FTO: variants seen among roughly 807,000 people sequenced by gnomAD.
The protein encoded by FTO is alpha-ketoglutarate-dependent dioxygenase FTO.
Under a neutral mutation model 63.9 loss-of-function variants are expected in FTO, and 47 were observed. The observed-to-expected ratio is 0.74, with a 90% CI of 0.58 to 0.94. The LOEUF (loss-of-function observed/expected upper bound fraction) is 0.94. FTO is among the 40% of genes least tolerant of loss of function. FTO has a pLI of 0.00. For missense variants in FTO, 562 were observed against 618.1 expected (o/e 0.91, Z 0.96); for synonymous variants, 207 against 224.4 (o/e 0.92, Z 0.69).
chr16:53,891,346 CT>C (rs5816910), intron 7 of FTO, among the ~76,000 whole-genome samples: 222 of 147,320 alleles, frequency 1.5e-3, no homozygotes, highest in Middle Eastern at 6.9e-3. Flanking sequence ...TGTTCAAGAG[CT>C]TTTTTTTTTT....
chr16:53,784,492 G>C (rs1472643740), intron 1 of FTO, among the ~76,000 whole-genome samples: 1 of 152,112 alleles, frequency 6.6e-6, no homozygotes, highest in Admixed American at 6.6e-5. Flanking sequence ...TCCCTGACTT[G>C]GTAGAAAGAT....
chr16:53,873,756 T>C, intron 4 of FTO, 30 bp from the exon 5 acceptor site: 2 of 1,561,124 alleles, frequency 1.3e-6, no homozygotes, highest in East Asian at 2.2e-5. Context: ...ATAAATATGG[T>C]TTTATACATT....
chr16:53,986,216 C>T (rs182067142), intron 8 of FTO, among the ~76,000 whole-genome samples: 187 of 152,298 alleles, frequency 1.2e-3, no homozygotes, highest in South Asian at 5.2e-3. Flanking sequence ...CCATGACCAC[C>T]AAACGCCTGA....
At chr16:53,763,566 ATGTT>A (rs1598601438) in intron 1 of FTO, among the ~76,000 whole-genome samples, 1 of 152,120 alleles carries the variant, frequency 6.6e-6, no homozygotes, top group African/African-American at 2.4e-5. Context: ...AGTACCCTGG[ATGTT>A]TGCTATGTAT....
intron 8 of FTO, among the ~76,000 whole-genome samples, chr16:54,068,636 C>G (rs1599310924): frequency 6.6e-6 from 1 of 152,316 alleles, no homozygotes; most frequent in East Asian, 1.9e-4. Flanking sequence ...CAGCCAGGCA[C>G]TGCCAAGATC....
chr16:53,719,488 A>G (rs2075983828), intron 1 of FTO, among the ~76,000 whole-genome samples: 1 of 151,992 alleles, frequency 6.6e-6, no homozygotes, highest in South Asian at 2.1e-4. Flanking sequence ...ATTGAGCATA[A>G]CATTCTCTGG....
intron 8 of FTO, among the ~76,000 whole-genome samples, chr16:53,975,962 C>A (rs1384828938): frequency 5.9e-5 from 9 of 152,084 alleles, no homozygotes. Context: ...GTATCAGAAC[C>A]AGGCAGCCTG....
intron 3 of FTO, among the ~76,000 whole-genome samples, chr16:53,833,546 AC>A (rs2079200106): frequency 6.6e-6 from 1 of 151,712 alleles, no homozygotes; most frequent in Non-Finnish European, 1.5e-5. Flanking sequence ...CGCTTTCAGT[AC>A]TTTTGTGTGT....
intron 3 of FTO, among the ~76,000 whole-genome samples, chr16:53,827,210 G>T (rs778184253): frequency 2.6e-5 from 4 of 152,114 alleles, no homozygotes; most frequent in Non-Finnish European, 5.9e-5. Flanking sequence ...CTACCTCTTA[G>T]TAGCCCACCC....
chr16:53,749,658 C>T (rs368474107), intron 1 of FTO, among the ~76,000 whole-genome samples: 33 of 152,006 alleles, frequency 2.2e-4, no homozygotes, highest in African/African-American at 7.5e-4. Flanking sequence ...CCAGGATGGT[C>T]TCGATCTCCT....
intron 8 of FTO, among the ~76,000 whole-genome samples, chr16:54,057,652 TG>T (rs1483585148): frequency 6.6e-6 from 1 of 151,686 alleles, no homozygotes; most frequent in Non-Finnish European, 1.5e-5. Flanking sequence ...TCTGTATTTT[TG>T]GTAGAGATGG....
At chr16:53,980,351 A>C (rs2083514781) in intron 8 of FTO, among the ~76,000 whole-genome samples, 1 of 152,190 alleles carries the variant, frequency 6.6e-6, no homozygotes. Context: ...AATGGCTGGA[A>C]AGAGACCTGT....
chr16:54,022,209 A>G (rs544317210), intron 8 of FTO, among the ~76,000 whole-genome samples: 1 of 152,318 alleles, frequency 6.6e-6, no homozygotes, highest in African/African-American at 2.4e-5. Context: ...CTAGTAAGTC[A>G]TGTTCTCTTA....
intron 8 of FTO, among the ~76,000 whole-genome samples, chr16:54,067,570 G>T (rs948724750): frequency 1.3e-5 from 2 of 152,168 alleles, no homozygotes; most frequent in African/African-American, 4.8e-5. Flanking sequence ...TTTTATGTTG[G>T]TTATATTAAC....
intron 8 of FTO, among the ~76,000 whole-genome samples, chr16:53,985,264 A>G (rs1329075654): frequency 6.6e-6 from 1 of 152,216 alleles, no homozygotes; most frequent in South Asian, 2.1e-4. Flanking sequence ...CACCCTTTGT[A>G]GAAAGTGAGG....
rs113466920 is a variant in FTO at position 54,107,508 on chromosome 16, C to T, written c.1365-4254C>T. ...TCCCAAATAGAAATACTATTTGAAA[C>T]AAAACCAAATGTCAGTGTTTTCATG... On this transcript the variant is annotated intron_variant, in intron 8 of 8. Coordinates refer to ENST00000471389, the MANE Select transcript of FTO (RefSeq NM_001080432.3). 3.2e-3 allele frequency among the ~76,000 whole-genome samples: 487 copies of T among 152,274 alleles called. 2 individuals are homozygous for T. The highest frequency in any genetic ancestry group is 0.011 in the African/African-American group (458 of 41,558).
rs558593712 is a variant in FTO, at chr16:53,897,662, G to A, written c.1239+8711G>A. ...ACATTTTTTAAAGGATGGGAGTGGTGGCATATACCAATGCTTGTAATACAT... is the reference window on the plus strand; with the variant it reads ...ACATTTTTTAAAGGATGGGAGTGGTAGCATATACCAATGCTTGTAATACAT... On this transcript the variant is annotated intron_variant, in intron 7 of 8. Coordinates refer to ENST00000471389, the MANE Select transcript of FTO (RefSeq NM_001080432.3). Among the ~76,000 whole-genome samples the A allele has an allele frequency of 2.9e-3, 434 of 152,180 alleles. 4 individuals are homozygous for A. The highest frequency in any genetic ancestry group is 9.8e-3 in the African/African-American group (409 of 41,526).
At chr16:53,907,107 G>A (rs1421545376) in intron 7 of FTO, among the ~76,000 whole-genome samples, 4 of 152,140 alleles carry the variant, frequency 2.6e-5, no homozygotes, top group African/African-American at 9.7e-5. Flanking sequence ...GGTTCCACTT[G>A]CTCTTAGGAT....
intron 8 of FTO, among the ~76,000 whole-genome samples, chr16:54,005,729 C>T (rs983186977): frequency 1.3e-5 from 2 of 152,126 alleles, no homozygotes; most frequent in African/African-American, 4.8e-5. Flanking sequence ...CAAACATAAT[C>T]CTTGCCTTCA....
Sources: allele counts gnomAD v4.1 joint callset (sites outside exome capture counted in the v4.1 genomes callset), GRCh38; gene constraint gnomAD v4.1.1; transcripts MANE v1.5; gene names NCBI Gene and HGNC (gene_info 2026-07-23, HGNC 2026-07-21).